Variants in CPA1 observed in about 807,000 individuals in gnomAD.
CPA1 encodes carboxypeptidase A1 (pancreatic).
In CPA1, 42 loss-of-function variants were observed where a neutral mutation model predicts 48.7. That is an observed-to-expected ratio of 0.86 (90% CI 0.67 to 1.11). CPA1 has a LOEUF of 1.11. Ranked by LOEUF, CPA1 falls within the 50% of genes most tolerant of loss-of-function variation. The pLI, the probability that CPA1 is intolerant of heterozygous loss-of-function variation, is 0.00. For synonymous variants in CPA1, 203 were observed against 217.9 expected, an observed-to-expected ratio of 0.93 and a Z score of 0.60; for missense variants, 477 against 544.7, an observed-to-expected ratio of 0.88 and a Z score of 1.24.
chr7:130,384,175 A>C, intron 6 of CPA1: 1 of 415,874 alleles, frequency 2.4e-6, no homozygotes, highest in South Asian at 3.2e-5. Context: ...TTCTATTTTT[A>C]CGGCAAATAA....
intron 9 of CPA1, 145 bp downstream of exon 9, chr7:130,386,068 G>A (rs1396032414): frequency 3.2e-6 from 2 of 633,332 alleles, no homozygotes; most frequent in Middle Eastern, 3.3e-4. Context: ...TGAGGGGTGG[G>A]CAGTCCCTTT....
chr7:130,382,303 G>A, intron 4 of CPA1, 94 bp downstream of exon 4: 4 of 948,968 alleles, frequency 4.2e-6, no homozygotes, highest in Non-Finnish European at 6.7e-6. Flanking sequence ...CATGGTACCA[G>A]GGAACACGCT....
In CPA1 at chr7:130,381,791, G is replaced by A. The variant is rs1796409015; in HGVS notation, c.309G>A (p.Gln103=). The A allele has an allele frequency of 1.2e-6, 2 of 1,614,142 alleles. No homozygotes were observed. The highest frequency in any genetic ancestry group is 1.7e-5 in the Admixed American group (1 of 60,032). The change falls in exon 3 of 10, where the codon CAG becomes CAA. Residue 103 remains glutamine, a synonymous_variant. Transcript: ENST00000011292. ...CGCTGCTGGACGAGGAGCAGGAGCAGATGTTCGCCTTCCGGTCCCGGGCGC... is the reference window on the plus strand; with the variant it reads ...CGCTGCTGGACGAGGAGCAGGAGCAAATGTTCGCCTTCCGGTCCCGGGCGC... ...VQSLLDEEQE[Q]MFAFRSRARS... is the part of the protein sequence containing the mutation.
At chr7:130,384,997 G>A (rs1584852770) in intron 7 of CPA1, 149 bp from the exon 8 acceptor site, 1 of 758,424 alleles carries the variant, frequency 1.3e-6, no homozygotes, top group Admixed American at 2.4e-5. Flanking sequence ...GTTCCCCCAG[G>A]TTATAGAAGG....
At position 130,382,356 on chromosome 7, in the gene CPA1, C is replaced by G. The variant is rs1477557925; in HGVS notation, c.483+147C>G. 6.3e-6 allele frequency: 4 copies of G among 638,862 alleles called. No homozygotes were observed. In the African/African-American group the frequency reaches 7.3e-5, roughly 12 times the overall value. 39.6% of individuals were successfully genotyped at this position (638,862 alleles called of 1,614,324 possible). On this transcript the variant is annotated intron_variant, in intron 4 of 9. Coordinates refer to ENST00000011292, the MANE Select transcript of CPA1 (RefSeq NM_001868.4). ...TGCAGACATTTGGAAAGGCCTGAGT[C>G]TCCACCCTGGTCTTGGCGTGTGCAC...
At chr7:130,385,039 G>T in intron 7 of CPA1, 107 bp from the exon 8 acceptor site, 1 of 1,117,326 alleles carries the variant, frequency 8.9e-7, no homozygotes, top group East Asian at 2.4e-5. Flanking sequence ...AGGGGTGGGA[G>T]TGAGCCCTTC....
Position 130,383,706 on chromosome 7 carries a change from A to G in CPA1, c.608A>G (p.Asp203Gly). The part of the protein sequence containing the change: ...AKKITQDYGQ[D>G]AAFTAILDTL... The stretch of plus-strand genomic sequence containing the variant: ...CAGATCACTCAAGACTACGGGCAGG[A>G]TGCAGCTTTCACCGCCATTCTCGAC... Residue 203 changes from aspartate (D) to glycine (G), a missense_variant, in exon 6 of 10, where the codon GAT becomes GGT. Asp to Gly is a moderately conservative substitution (Grantham distance 94). Transcript: ENST00000011292. The G allele has an allele frequency of 1.2e-6, 2 of 1,614,052 alleles. No homozygotes were observed. The highest frequency in any genetic ancestry group is 1.7e-6 in the Non-Finnish European group (2 of 1,179,926).
Position 130,387,885 on chromosome 7 carries a change from C to T in CPA1, c.1134C>T (p.Thr378=). The T allele has an allele frequency of 6.2e-7, 1 of 1,614,180 alleles. No homozygotes were observed. Among genetic ancestry groups the T allele is most frequent in the Non-Finnish European group, 8.5e-7 (1 of 1,180,026 alleles). ...GCCAGGGCATCAAGTACTCCTTCAC[C>T]TTCGAGCTCCGGGACACTGGGCGCT... ...TYSQGIKYSF[T]FELRDTGRYG... is the part of the protein sequence containing the mutation. The change falls in exon 10 of 10, where the codon ACC becomes ACT. Residue 378 remains threonine, a synonymous_variant. Transcript: ENST00000011292. The surrounding 1 kb of genome is among the most constrained non-coding windows in gnomAD (Gnocchi z 4.6).
At chr7:130,386,017 C>G in intron 9 of CPA1, 94 bp downstream of exon 9, 1 of 1,110,112 alleles carries the variant, frequency 9.0e-7, no homozygotes, top group Non-Finnish European at 1.3e-6. Context: ...AGGAAGTAGC[C>G]AAGGGCACCC....
Position 130,383,438 on chromosome 7 carries a change from C to T in CPA1, c.531C>T (p.Gly177=), listed in dbSNP as rs1051725707. The T allele has an allele frequency of 6.2e-7, 1 of 1,614,202 alleles. No homozygotes were observed. The highest frequency in any genetic ancestry group is 1.1e-5 in the South Asian group (1 of 91,078). ...GTCCAGCCATCTGGATCGACACGGG[C>T]ATCCATTCCCGGGAGTGGGTCACCC... The part of the protein sequence containing the change: ...SKRPAIWIDT[G]IHSREWVTQA... The change falls in exon 5 of 10, where the codon GGC becomes GGT. Residue 177 remains glycine, a synonymous_variant. Transcript: ENST00000011292.
chr7:130,383,123 C>T (rs892493270), intron 4 of CPA1, among the ~76,000 whole-genome samples: 6 of 152,202 alleles, frequency 3.9e-5, no homozygotes, highest in Admixed American at 1.3e-4. Flanking sequence ...GAGAACTGTC[C>T]GAGCAGCAGA....
rs782301578 is a variant in CPA1, at chr7:130,380,561, T to C, written c.41T>C (p.Val14Ala). 1.3e-5 allele frequency: 17 copies of C among 1,317,000 alleles called. 1 individual carries two copies. The Admixed American group carries it at 2.7e-4, about 21-fold the overall frequency. 81.6% of individuals were successfully genotyped at this position (1,317,000 alleles called of 1,614,324 possible). A position where few individuals can be genotyped will look rare whatever the true frequency, so the allele number is the denominator to read the frequency against. Reference sequence around the variant, plus strand: ...GTGTTGAGTGTCCTGTTGGGGGCTGTCTTTGGCAAGGAGGACTTTGTGGGG... The same window carrying C: ...GTGTTGAGTGTCCTGTTGGGGGCTGCCTTTGGCAAGGAGGACTTTGTGGGG... ...LLVLSVLLGA[V>A]FGKEDFVGHQ... Residue 14 changes from valine (V) to alanine (A), a missense_variant, in exon 1 of 10, where the codon GTC (valine) becomes GCC (alanine). Val to Ala is a moderately conservative substitution (Grantham distance 64). Coordinates refer to ENST00000011292, the MANE Select transcript of CPA1 (RefSeq NM_001868.4).
intron 6 of CPA1, chr7:130,384,311 C>A: frequency 1.7e-6 from 1 of 584,108 alleles, no homozygotes; most frequent in Non-Finnish European, 3.1e-6. Context: ...CCCGATGCCC[C>A]CTCTGCTGAT....
At chr7:130,382,719 A>G (rs1796423070) in intron 4 of CPA1, among the ~76,000 whole-genome samples, 1 of 133,656 alleles carries the variant, frequency 7.5e-6, no homozygotes, top group Non-Finnish European at 1.5e-5. Flanking sequence ...ATCTCGGCTC[A>G]CTGAACCTCC....
rs1554411100 is a variant in CPA1, at chr7:130,381,095, C to T, written c.66-3C>T. 1.2e-6 allele frequency: 2 copies of T among 1,612,852 alleles called. No individual in the cohort carries two copies. Among genetic ancestry groups the T allele is most frequent in the Admixed American group, 3.3e-5 (2 of 59,930 alleles). ...GCTCACTCCCCACTCCCACTCTGCC[C>T]AGGCATCAGGTGCTCCGAATCTCTG... On this transcript the variant is annotated splice_polypyrimidine_tract_variant and splice_region_variant and intron_variant, in intron 1 of 9. Coordinates refer to ENST00000011292, the MANE Select transcript of CPA1 (RefSeq NM_001868.4).
At chr7:130,385,999 C>T (rs527945334) in intron 9 of CPA1, 76 bp downstream of exon 9, 2 of 1,365,866 alleles carry the variant, frequency 1.5e-6, no homozygotes, top group African/African-American at 1.4e-5. Context: ...GGGAGTATCC[C>T]TCATGGAAGG....
chr7:130,382,546 C>T (rs897392105), intron 4 of CPA1, among the ~76,000 whole-genome samples: 14 of 151,988 alleles, frequency 9.2e-5, no homozygotes, highest in Non-Finnish European at 1.9e-4. Flanking sequence ...TTACTGCAAC[C>T]TCCATCTCCT....
In CPA1 at chr7:130,384,525, TC is replaced by T; in HGVS notation, c.697-9del. 1 of 1,613,758 alleles carries T rather than the reference TC, an allele frequency of 6.2e-7. No individual in the cohort carries two copies. Among genetic ancestry groups the T allele is most frequent in the Admixed American group, 1.7e-5 (1 of 60,026 alleles). On this transcript the variant is annotated splice_polypyrimidine_tract_variant and intron_variant, in intron 6 of 9. Coordinates refer to ENST00000011292, the MANE Select transcript of CPA1 (RefSeq NM_001868.4). ...GTGCCTCGGGGTGGCTGATCCCATTTCCTTCCTCAGAATCGCATGTGGCGCA... is the reference window on the plus strand; with the variant it reads ...GTGCCTCGGGGTGGCTGATCCCATTTCTTCCTCAGAATCGCATGTGGCGCA...
chr7:130,387,909 C>T lies in CPA1; in HGVS notation c.1158C>T (p.Arg386=). The T allele has an allele frequency of 3.1e-6, 5 of 1,614,216 alleles. No individual in the cohort carries two copies. Among genetic ancestry groups the T allele is most frequent in the Non-Finnish European group, 4.2e-6 (5 of 1,180,042 alleles). ...CCTTCGAGCTCCGGGACACTGGGCG[C>T]TATGGCTTCCTGCTGCCAGCCTCCC... The part of the protein sequence containing the change: ...SFTFELRDTG[R]YGFLLPASQI... The change falls in exon 10 of 10, where the codon CGC becomes CGT. Residue 386 remains arginine (R), a synonymous_variant. Coordinates refer to ENST00000011292, the MANE Select transcript of CPA1 (RefSeq NM_001868.4). The surrounding 1 kb of genome is among the most constrained non-coding windows in gnomAD (Gnocchi z 4.6).
Sources: gnomAD v4.1 joint callset for allele counts (sites outside exome capture counted in the v4.1 genomes callset) on GRCh38, gnomAD v4.1.1 for gene constraint, Gnocchi (gnomAD v3.1) non-coding constraint, MANE v1.5 for transcripts, NCBI Gene and HGNC (gene_info 2026-07-23, HGNC 2026-07-21) for gene names.